Variants in KCNH5 observed in about 807,000 individuals in gnomAD.
KCNH5 encodes the protein potassium voltage-gated channel subfamily H member 5, also known as voltage-gated delayed rectifier potassium channel KCNH5.
Under a neutral mutation model 96.1 loss-of-function variants are expected in KCNH5, and 46 were observed. The ratio of observed to expected loss-of-function variants is 0.48; its 90% CI spans 0.38 to 0.61. The LOEUF (loss-of-function observed/expected upper bound fraction) is 0.61. KCNH5 is among the 20% of genes least tolerant of loss of function. The pLI, the probability that KCNH5 is intolerant of heterozygous loss-of-function variation, is 0.00. For synonymous variants in KCNH5, 439 were observed against 449.8 expected (o/e 0.98, Z 0.30); for missense variants, 907 against 1,225.8 (o/e 0.74, Z 3.88).
At chr14:62,922,608 T>C (rs925784038) in intron 7 of KCNH5, among the ~76,000 whole-genome samples, 2 of 151,972 alleles carry the variant, frequency 1.3e-5, no homozygotes, top group Non-Finnish European at 2.9e-5. Flanking sequence ...CTATACGCCA[T>C]GATCAAGCTG....
At chr14:62,882,361 T>C (rs1888511373) in intron 7 of KCNH5, among the ~76,000 whole-genome samples, 1 of 152,156 alleles carries the variant, frequency 6.6e-6, no homozygotes, top group Non-Finnish European at 1.5e-5. Flanking sequence ...CTAAGAATTC[T>C]CTCTACTGAA....
chr14:62,853,774 C>T (rs1887872337), intron 7 of KCNH5, among the ~76,000 whole-genome samples: 1 of 151,612 alleles, frequency 6.6e-6, no homozygotes, highest in Non-Finnish European at 1.5e-5. Context: ...TTTTGGGAGG[C>T]CAAGGCAGGC....
At chr14:63,005,726 A>G (rs891322085) in intron 3 of KCNH5, among the ~76,000 whole-genome samples, 5 of 152,220 alleles carry the variant, frequency 3.3e-5, no homozygotes, top group African/African-American at 1.2e-4. Flanking sequence ...TTTTCCCTCC[A>G]AACTCTGATG....
chr14:62,701,389 C>T lies in KCNH5; in HGVS notation c.*6119G>A, dbSNP rs1219881477. The T allele has an allele frequency of 6.6e-6, 1 of 152,196 alleles. No individual in the cohort carries two copies. The highest frequency in any genetic ancestry group is 1.5e-5 in the Non-Finnish European group (1 of 68,022). 9.4% of individuals were successfully genotyped at this position (152,196 alleles called of 1,614,324 possible). A position where few individuals can be genotyped will look rare whatever the true frequency, so the allele number is the denominator to read the frequency against. On this transcript the variant is annotated 3_prime_UTR_variant, in exon 11 of 11. Transcript: ENST00000322893. Reference sequence around the variant, plus strand: ...AAGCAACTGCTGTCCCTTCTCCACACTCCTTTTTCCTCAGTTATAACTCTG... The same window carrying T: ...AAGCAACTGCTGTCCCTTCTCCACATTCCTTTTTCCTCAGTTATAACTCTG...
intron 7 of KCNH5, among the ~76,000 whole-genome samples, chr14:62,947,999 C>T (rs990039715): frequency 4.2e-4 from 63 of 151,788 alleles, no homozygotes; most frequent in South Asian, 1.5e-3. Flanking sequence ...CACAACAGTC[C>T]CCAGAGTGTG....
chr14:63,019,067 T>A (rs1357034216), intron 1 of KCNH5, among the ~76,000 whole-genome samples: 1 of 151,582 alleles, frequency 6.6e-6, no homozygotes, highest in East Asian at 1.9e-4. Context: ...TGGGACAATA[T>A]CAAGCAATCT....
In KCNH5 at chr14:63,045,322, G is replaced by C. The variant is rs559356562; in HGVS notation, c.-136C>G. Reference sequence around the variant, plus strand: ...AGAGGGGGCGCGGCGGCGGCGACGGGGTCCCCTGACTGTGTCTCCAGCCCG... The same window carrying C: ...AGAGGGGGCGCGGCGGCGGCGACGGCGTCCCCTGACTGTGTCTCCAGCCCG... On this transcript the variant is annotated 5_prime_UTR_variant, in exon 1 of 11. Coordinates refer to ENST00000322893, the MANE Select transcript of KCNH5 (RefSeq NM_139318.5). The C allele has an allele frequency of 7.4e-5, 52 of 706,940 alleles. No homozygotes were observed. The East Asian group carries it at 1.2e-3, about 16-fold the overall frequency. The allele number at this position is 706,940 out of a possible 1,614,324, so 43.8% of individuals were successfully genotyped here.
intron 2 of KCNH5, among the ~76,000 whole-genome samples, chr14:63,010,976 C>T (rs1891214396): frequency 6.6e-6 from 1 of 152,114 alleles, no homozygotes; most frequent in African/African-American, 2.4e-5. Context: ...ATATTATCTG[C>T]AGGCTGTAGT....
chr14:62,929,482 G>C (rs1595688634), intron 7 of KCNH5, among the ~76,000 whole-genome samples: 1 of 151,962 alleles, frequency 6.6e-6, no homozygotes, highest in Admixed American at 6.6e-5. Context: ...TCCATCCACA[G>C]AACAATGGTC....
intron 6 of KCNH5, among the ~76,000 whole-genome samples, chr14:62,978,116 T>C (rs146035354): frequency 1.3e-5 from 2 of 152,348 alleles, no homozygotes; most frequent in African/African-American, 2.4e-5. Context: ...TTCAGTGATG[T>C]GTTGGAAAAT....
chr14:62,910,934 CACACACA>C (rs1364081295), intron 7 of KCNH5, among the ~76,000 whole-genome samples: 30 of 145,382 alleles, frequency 2.1e-4, no homozygotes, highest in South Asian at 6.9e-4. Flanking sequence ...CACACACACA[CACACACA>C]CCCCTCTGTT....
intron 10 of KCNH5, among the ~76,000 whole-genome samples, chr14:62,752,382 G>A (rs1885520771): frequency 6.6e-6 from 1 of 151,986 alleles, no homozygotes; most frequent in Admixed American, 6.6e-5. Context: ...ACGCAGTGGG[G>A]AAGAGCATCA....
At chr14:62,867,325 C>T (rs1450908504) in intron 7 of KCNH5, among the ~76,000 whole-genome samples, 2 of 152,206 alleles carry the variant, frequency 1.3e-5, no homozygotes, top group African/African-American at 4.8e-5. Context: ...TTCTGAATCT[C>T]CTACAATGGC....
At chr14:62,712,650 A>C (rs1299680561) in intron 10 of KCNH5, 1 of 775,288 alleles carries the variant, frequency 1.3e-6, no homozygotes, top group Non-Finnish European at 2.4e-6. Context: ...GTGAAGTAGG[A>C]AGTCGTGCAG....
intron 6 of KCNH5, among the ~76,000 whole-genome samples, chr14:62,957,407 A>G (rs1890124483): frequency 6.6e-6 from 1 of 152,164 alleles, no homozygotes. Flanking sequence ...AGGAATACAG[A>G]CTTGTCATAC....
At chr14:62,993,139 T>C (rs1594664049) in intron 4 of KCNH5, among the ~76,000 whole-genome samples, 3 of 152,208 alleles carry the variant, frequency 2.0e-5, no homozygotes, top group Admixed American at 2.0e-4. Context: ...TGTGGCTTTA[T>C]TTCTGGACTA....
At chr14:62,907,310 T>A (rs1272488614) in intron 7 of KCNH5, among the ~76,000 whole-genome samples, 3 of 152,180 alleles carry the variant, frequency 2.0e-5, no homozygotes, top group Non-Finnish European at 4.4e-5. Context: ...CAGGAGTGAT[T>A]ACAGGGAAGC....
rs1439092979 is a variant in KCNH5 at position 62,707,272 on chromosome 14, A to C, written c.*236T>G. ...TCTTTTATTATAGAATAGAGATTAT[A>C]AATAAATGTAAAGTGTGCATGCAGT... On this transcript the variant is annotated 3_prime_UTR_variant, in exon 11 of 11. Coordinates refer to ENST00000322893, the MANE Select transcript of KCNH5 (RefSeq NM_139318.5). The C allele has an allele frequency of 8.1e-6, 2 of 246,218 alleles. No individual in the cohort carries two copies. Among genetic ancestry groups the C allele is most frequent in the Non-Finnish European group, 1.5e-5 (2 of 132,364 alleles). 15.3% of individuals were successfully genotyped at this position (246,218 alleles called of 1,614,324 possible).
intron 4 of KCNH5, among the ~76,000 whole-genome samples, chr14:62,999,553 G>A (rs1239645492): frequency 6.6e-6 from 1 of 151,948 alleles, no homozygotes; most frequent in African/African-American, 2.4e-5. Flanking sequence ...ATGAGTTTAT[G>A]TCCTTTGTAG....
Sources: gnomAD v4.1 joint callset for allele counts (sites outside exome capture counted in the v4.1 genomes callset) on GRCh38, gnomAD v4.1.1 for gene constraint, MANE v1.5 for transcripts, NCBI Gene and HGNC (gene_info 2026-07-23, HGNC 2026-07-21) for gene names.